MAP3K15: variants seen among roughly 807,000 people sequenced by gnomAD.
MAP3K15 encodes MAPK/ERK kinase kinase 15.
In MAP3K15, 124 loss-of-function variants were observed where a neutral mutation model predicts 99.5. That is an observed-to-expected ratio of 1.25 (90% CI 1.08 to 1.45). MAP3K15 has a LOEUF of 1.45. MAP3K15 is among the 40% of genes most tolerant of loss of function. MAP3K15 has a pLI of 0.00. For missense variants in MAP3K15, 1,242 were observed against 1,079.7 expected, an observed-to-expected ratio of 1.15 and a Z score of -2.11; for synonymous variants, 494 against 439.6, an observed-to-expected ratio of 1.12 and a Z score of -1.55.
intron 16 of MAP3K15, 139 bp from the exon 17 acceptor site, chrX:19,392,612 T>C (rs2063535731): frequency 1.7e-6 from 1 of 572,931 alleles, no homozygotes; most frequent in Non-Finnish European, 2.7e-6. Context: ...ATGCAACATG[T>C]TTCCTCCCCT....
chrX:19,393,313 C>G (rs746256207), intron 16 of MAP3K15, among the ~76,000 whole-genome samples: 2 of 111,391 alleles, frequency 1.8e-5, no homozygotes, highest in Admixed American at 1.9e-4. Flanking sequence ...AACCTAACGC[C>G]GGGGATGGGG....
At chrX:19,479,759 A>G (rs998972367) in intron 3 of MAP3K15, among the ~76,000 whole-genome samples, 2 of 112,247 alleles carry the variant, frequency 1.8e-5, no homozygotes, top group African/African-American at 6.5e-5. Context: ...ATCTGTCACC[A>G]TATAAACATG....
chrX:19,498,736 C>T (rs1959222979), intron 1 of MAP3K15, among the ~76,000 whole-genome samples: 1 of 111,958 alleles, frequency 8.9e-6, no homozygotes, highest in Admixed American at 9.5e-5. Flanking sequence ...GACTGGCATC[C>T]CACGTGTTCA....
Position 19,424,400 on chromosome X carries a change from G to C in MAP3K15, c.1439+1131C>G, listed in dbSNP as rs1457752554. On this transcript the variant is annotated intron_variant, in intron 9 of 28. Coordinates refer to ENST00000338883, the MANE Select transcript of MAP3K15 (RefSeq NM_001001671.4). Reference sequence around the variant, plus strand: ...CAGGTTTGTTACCACAATTCTAACGGAGCTTCATGTCTATGGGGAAATCCA... The same window carrying C: ...CAGGTTTGTTACCACAATTCTAACGCAGCTTCATGTCTATGGGGAAATCCA... 2.8e-5 allele frequency among the ~76,000 whole-genome samples: 3 copies of C among 108,673 alleles called. No homozygotes were observed. In the East Asian group the frequency reaches 8.6e-4, roughly 31 times the overall value. The allele number at this position is 108,673 out of a possible 115,157, so 94.4% of individuals were successfully genotyped here. A position where few individuals can be genotyped will look rare whatever the true frequency, so the allele number is the denominator to read the frequency against.
chrX:19,432,572 GAAAGAAAAGA>G (rs1393938707), intron 6 of MAP3K15, among the ~76,000 whole-genome samples: 4 of 104,626 alleles, frequency 3.8e-5, no homozygotes, highest in Non-Finnish European at 7.8e-5. Context: ...AAAAAAAAAA[GAAAGAAAAGA>G]AAAGGAAAGA....
At chrX:19,503,392 T>C (rs1273112728) in intron 1 of MAP3K15, among the ~76,000 whole-genome samples, 1 of 111,859 alleles carries the variant, frequency 8.9e-6, no homozygotes, top group Non-Finnish European at 1.9e-5. Flanking sequence ...ACTTTAAGCA[T>C]TCTCCAGAAT....
At chrX:19,495,201 G>A (rs1405102411) in intron 1 of MAP3K15, among the ~76,000 whole-genome samples, 1 of 111,757 alleles carries the variant, frequency 8.9e-6, no homozygotes, top group Non-Finnish European at 1.9e-5. Flanking sequence ...TAGTAGACAC[G>A]GGGTTTCCCC....
chrX:19,447,883 CAAAAAAAAAA>C lies in MAP3K15; in HGVS notation c.995+9020_995+9029del, dbSNP rs753152404. On this transcript the variant is annotated intron_variant, in intron 6 of 28. Transcript: ENST00000338883. ...TGGGCGACAGAGCGAGACTCCGTCT[CAAAAAAAAAA>C]AAAAAAAAAAAAGAAACCCACGAAA... Among the ~76,000 whole-genome samples the C allele has an allele frequency of 1.5e-4, 4 of 25,958 alleles. 1 individual carries two copies. The highest frequency in any genetic ancestry group is 6.1e-3 in the South Asian group (1 of 163). The allele number at this position is 25,958 out of a possible 115,157, so 22.5% of individuals were successfully genotyped here.
chrX:19,406,842 C>G (rs1466357983), intron 13 of MAP3K15, among the ~76,000 whole-genome samples: 1 of 112,279 alleles, frequency 8.9e-6, no homozygotes, highest in Non-Finnish European at 1.9e-5. Flanking sequence ...GCTGGGATTA[C>G]AGGCATGCGC....
intron 3 of MAP3K15, among the ~76,000 whole-genome samples, chrX:19,478,689 G>GAA (rs1461046875): frequency 2.9e-5 from 3 of 102,185 alleles, no homozygotes; most frequent in African/African-American, 1.1e-4. Flanking sequence ...TGGCTTTCCA[G>GAA]AAAAAAAAAA....
At chrX:19,426,818 CA>C (rs746106862) in intron 7 of MAP3K15, among the ~76,000 whole-genome samples, 909 of 21,109 alleles carry the variant, frequency 0.043, 1 homozygote, top group South Asian at 0.058. Context: ...AATCTGTCTC[CA>C]AAAAAAAAAA....
At chrX:19,403,989 T>C (rs190770547) in intron 13 of MAP3K15, among the ~76,000 whole-genome samples, 2,093 of 111,899 alleles carry the variant, frequency 0.019, 54 homozygotes, top group African/African-American at 0.065. Flanking sequence ...ACTCTCCCTA[T>C]TTCTATTCCA....
At chrX:19,489,624 T>C (rs1019123212) in intron 1 of MAP3K15, among the ~76,000 whole-genome samples, 3 of 111,078 alleles carry the variant, frequency 2.7e-5, no homozygotes, top group African/African-American at 9.8e-5. Context: ...CTTTCCCCCT[T>C]TCATCATTCC....
In MAP3K15 at chrX:19,392,040, C is replaced by T. The variant is rs1219857102; in HGVS notation, c.2393G>A (p.Arg798His). 6.6e-6 allele frequency: 8 copies of T among 1,209,243 alleles called. No homozygotes were observed. The highest frequency in any genetic ancestry group is 3.0e-5 in the East Asian group (1 of 33,791). ...VKISDFGTSK[R>H]LAGVNPCTET... The stretch of plus-strand genomic sequence containing the variant: ...TGTGCAGGGGTTCACACCCGCAAGA[C>T]GTTTCGAGGTTCCAAAATCGGAGAT... Residue 798 changes from arginine (R) to histidine (H), a missense_variant, in exon 18 of 29, where the codon CGT (arginine) becomes CAT (histidine). Coordinates refer to ENST00000338883, the MANE Select transcript of MAP3K15 (RefSeq NM_001001671.4).
At chrX:19,495,682 AC>A (rs1222889887) in intron 1 of MAP3K15, among the ~76,000 whole-genome samples, 1 of 111,887 alleles carries the variant, frequency 8.9e-6, no homozygotes, top group East Asian at 2.8e-4. Flanking sequence ...TTAATTTGAG[AC>A]CACTCAAAGT....
chrX:19,373,589 G>A lies in MAP3K15; in HGVS notation c.2880C>T (p.Asp960=), dbSNP rs748751649. 7.6e-6 allele frequency: 9 copies of A among 1,182,005 alleles called. No homozygotes were observed. The highest frequency in any genetic ancestry group is 7.5e-5 in the Admixed American group (3 of 40,218). Residue 960 remains aspartate (D), a synonymous_variant, in exon 21 of 29, where the codon GAC becomes GAT. Coordinates refer to ENST00000338883, the MANE Select transcript of MAP3K15 (RefSeq NM_001001671.4). ...SVSPDSDAQP[D]ALFERTRAPR... is the part of the protein sequence containing the mutation. ...GCGCCCGGGTCCTCTCAAAGAGTGC[G>A]TCAGGCTGGGCGTCGGAGTCTGGGG... is the stretch of plus-strand genomic sequence containing the variant.
At chrX:19,443,688 A>T (rs1265997061) in intron 6 of MAP3K15, among the ~76,000 whole-genome samples, 1 of 111,480 alleles carries the variant, frequency 9.0e-6, no homozygotes, top group Non-Finnish European at 1.9e-5. Context: ...ATATGCTAAC[A>T]TCCACAGCTG....
At position 19,515,101 on chromosome X, in the gene MAP3K15, C is replaced by CA; in HGVS notation, c.160_161insT (p.Gly54ValfsTer16). Reference sequence around the variant, plus strand: ...CCGCAGAGCCCGCCGCGGCCCGCCCCCACTCTCGCCCTCGCCGCTGCCGCC... The same window carrying CA: ...CCGCAGAGCCCGCCGCGGCCCGCCCCACACTCTCGCCCTCGCCGCTGCCGCC... On this transcript the variant is annotated frameshift_variant, in exon 1 of 29. Coordinates refer to ENST00000338883, the MANE Select transcript of MAP3K15 (RefSeq NM_001001671.4). LOFTEE classifies it high-confidence loss of function. The CA allele has an allele frequency of 1.2e-6, 1 of 841,302 alleles. No homozygotes were observed. The highest frequency in any genetic ancestry group is 1.5e-6 in the Non-Finnish European group (1 of 661,897). The allele number at this position is 841,302 out of a possible 1,213,427, so 69.3% of individuals were successfully genotyped here.
intron 6 of MAP3K15, among the ~76,000 whole-genome samples, chrX:19,452,765 G>A (rs928309398): frequency 2.7e-5 from 3 of 112,126 alleles, no homozygotes; most frequent in African/African-American, 9.7e-5. Context: ...TTCAACCAGC[G>A]GCCCATATGG....
Sources: gnomAD v4.1 joint callset for allele counts (sites outside exome capture counted in the v4.1 genomes callset) on GRCh38, gnomAD v4.1.1 for gene constraint, MANE v1.5 for transcripts, NCBI Gene and HGNC (gene_info 2026-07-23, HGNC 2026-07-21) for gene names.